ZMIZ1: variants seen among roughly 807,000 people sequenced by gnomAD.
The protein encoded by ZMIZ1 is zinc finger MIZ domain-containing protein 1.
In ZMIZ1, 17 loss-of-function variants were observed where a neutral mutation model predicts 113.9. That is an observed-to-expected ratio of 0.15 (90% CI 0.10 to 0.22). The LOEUF is 0.22. ZMIZ1 is among the 10% of genes least tolerant of loss of function. The probability of loss-of-function intolerance (pLI) is 1.00; values close to 1 mark genes in which losing one functional copy is unlikely to be tolerated. For missense variants in ZMIZ1, 1,059 were observed against 1,477.8 expected, an observed-to-expected ratio of 0.72 and a Z score of 4.65; for synonymous variants, 607 against 603.1, an observed-to-expected ratio of 1.01 and a Z score of -0.09.
chr10:79,076,960 A>G (rs1022732023), intron 1 of ZMIZ1, among the ~76,000 whole-genome samples: 19 of 152,184 alleles, frequency 1.2e-4, no homozygotes, highest in African/African-American at 4.6e-4. Context: ...CCCTCCAGCC[A>G]GCCCTCCAGG....
chr10:79,302,863 T>TG lies in ZMIZ1; in HGVS notation c.2125+651_2125+652insG, dbSNP rs1854416944. 3.5e-5 allele frequency among the ~76,000 whole-genome samples: 5 copies of TG among 142,730 alleles called. No individual in the cohort carries two copies. The South Asian group carries it at 1.2e-3, about 33-fold the overall frequency. 93.6% of individuals were successfully genotyped at this position (142,730 alleles called of 152,430 possible). On this transcript the variant is annotated intron_variant, in intron 18 of 24. Transcript: ENST00000334512. ...TGCATGCCACCACGCCCAGCTAAGT[T>TG]TTTTTTTTTTTTTTTTGAGACGGAG...
intron 7 of ZMIZ1, among the ~76,000 whole-genome samples, chr10:79,219,153 C>G (rs920071401): frequency 4.6e-5 from 7 of 151,976 alleles, no homozygotes; most frequent in African/African-American, 1.7e-4. Flanking sequence ...GGAATGGAGA[C>G]AGAGGGATAT....
chr10:79,155,487 C>T (rs948714151), intron 3 of ZMIZ1, among the ~76,000 whole-genome samples: 3 of 152,224 alleles, frequency 2.0e-5, no homozygotes, highest in African/African-American at 7.2e-5. Context: ...CTCAGTTTGT[C>T]TCTGTTCAAG....
At chr10:79,227,501 G>A (rs1849240138) in intron 7 of ZMIZ1, among the ~76,000 whole-genome samples, 1 of 152,220 alleles carries the variant, frequency 6.6e-6, no homozygotes, top group African/African-American at 2.4e-5. Context: ...GGAAGAGTCA[G>A]TTAACTCCTT....
chr10:79,169,798 G>T (rs1287450624), intron 4 of ZMIZ1, among the ~76,000 whole-genome samples: 1 of 152,230 alleles, frequency 6.6e-6, no homozygotes, highest in Admixed American at 6.5e-5. Flanking sequence ...CACCCACCTG[G>T]CAGGATAAAA....
At chr10:79,155,718 C>T (rs729624) in intron 3 of ZMIZ1, among the ~76,000 whole-genome samples, 1,757 of 152,328 alleles carry the variant, frequency 0.012, 42 homozygotes, top group African/African-American at 0.04. Context: ...GGAGAGGCCC[C>T]CAGGGATGTG....
intron 7 of ZMIZ1, among the ~76,000 whole-genome samples, chr10:79,258,005 A>G (rs1210216099): frequency 6.6e-6 from 1 of 152,174 alleles, no homozygotes; most frequent in African/African-American, 2.4e-5. Flanking sequence ...CAACCCCAAG[A>G]AGGTAGTCAG....
At chr10:79,090,810 G>C (rs571975783) in intron 1 of ZMIZ1, among the ~76,000 whole-genome samples, 1 of 152,250 alleles carries the variant, frequency 6.6e-6, no homozygotes, top group South Asian at 2.1e-4. Flanking sequence ...AGCCAGGGAT[G>C]TATGTGCCCA....
chr10:79,217,148 G>T (rs1848765897), intron 7 of ZMIZ1, among the ~76,000 whole-genome samples: 1 of 152,236 alleles, frequency 6.6e-6, no homozygotes, highest in Admixed American at 6.5e-5. Context: ...TGCAGGCCGG[G>T]CGCGGTGGCT....
At chr10:79,305,679 C>A (rs1854637074) in intron 21 of ZMIZ1, 78 bp downstream of exon 21, 6 of 1,443,152 alleles carry the variant, frequency 4.2e-6, no homozygotes, top group Non-Finnish European at 5.8e-6. Context: ...AGGTGGATAG[C>A]CCTGACACAG....
chr10:79,088,707 C>T (rs1213594664), intron 1 of ZMIZ1, among the ~76,000 whole-genome samples: 1 of 152,198 alleles, frequency 6.6e-6, no homozygotes, highest in African/African-American at 2.4e-5. Flanking sequence ...TGGCTGCTTT[C>T]TGGGACTTGG....
At chr10:79,081,783 A>C (rs1319751509) in intron 1 of ZMIZ1, among the ~76,000 whole-genome samples, 3 of 152,238 alleles carry the variant, frequency 2.0e-5, no homozygotes, top group Non-Finnish European at 4.4e-5. Flanking sequence ...TCCTGCCAGC[A>C]TCGCTGGGGG....
At chr10:79,164,071 G>GA (rs1410709312) in intron 4 of ZMIZ1, among the ~76,000 whole-genome samples, 1 of 151,344 alleles carries the variant, frequency 6.6e-6, no homozygotes, top group Non-Finnish European at 1.5e-5. Flanking sequence ...GGTGGAAAAA[G>GA]AAAAGAAAAC....
At chr10:79,094,940 C>A (rs1010582689) in intron 1 of ZMIZ1, among the ~76,000 whole-genome samples, 1 of 150,362 alleles carries the variant, frequency 6.7e-6, no homozygotes, top group African/African-American at 2.4e-5. Flanking sequence ...CAGAGCAAGA[C>A]CCTGCCCCTC....
chr10:79,270,519 A>G (rs1159336042), intron 7 of ZMIZ1, among the ~76,000 whole-genome samples: 1 of 152,204 alleles, frequency 6.6e-6, no homozygotes, highest in African/African-American at 2.4e-5. Context: ...GCCACTAAGA[A>G]GGAAGAATGC....
At chr10:79,149,056 T>C (rs1051953384) in intron 3 of ZMIZ1, among the ~76,000 whole-genome samples, 1 of 152,168 alleles carries the variant, frequency 6.6e-6, no homozygotes. Flanking sequence ...ACTCAGGAGC[T>C]CCCGGAGCCA....
intron 3 of ZMIZ1, among the ~76,000 whole-genome samples, chr10:79,161,824 G>A (rs536108800): frequency 2.7e-4 from 40 of 150,916 alleles, no homozygotes; most frequent in Non-Finnish European, 4.4e-4. Flanking sequence ...ACTTTGACAC[G>A]TGAGGAAATT....
chr10:79,267,341 T>C (rs1160606030), intron 7 of ZMIZ1, among the ~76,000 whole-genome samples: 2 of 152,190 alleles, frequency 1.3e-5, no homozygotes, highest in Middle Eastern at 3.2e-3. Flanking sequence ...GAAATTGTAT[T>C]TTATTTGAGC....
At chr10:79,084,318 T>A (rs1842742822) in intron 1 of ZMIZ1, among the ~76,000 whole-genome samples, 1 of 152,262 alleles carries the variant, frequency 6.6e-6, no homozygotes, top group Non-Finnish European at 1.5e-5. Context: ...TGTGCCTTCC[T>A]TCACACCTCC....
Sources: allele counts gnomAD v4.1 joint callset (sites outside exome capture counted in the v4.1 genomes callset), GRCh38; gene constraint gnomAD v4.1.1; transcripts MANE v1.5; gene names NCBI Gene and HGNC (gene_info 2026-07-23, HGNC 2026-07-21).